KDR: variants seen among roughly 807,000 people sequenced by gnomAD.
The protein encoded by KDR is vascular endothelial growth factor receptor 2.
KDR carries 43 observed loss-of-function variants against 160.9 expected under a neutral mutation model. The ratio of observed to expected loss-of-function variants is 0.27; its 90% CI spans 0.21 to 0.34. KDR has a LOEUF of 0.34. Ranked by LOEUF, KDR falls within the 10% of genes least tolerant of loss-of-function variation. The pLI, the probability that KDR is intolerant of heterozygous loss-of-function variation, is 1.00. For missense variants in KDR, 1,469 were observed against 1,666.4 expected (o/e 0.88, Z 2.06); for synonymous variants, 617 against 600.1 (o/e 1.03, Z -0.41).
chr4:55,121,296 C>G, intron 1 of KDR, 106 bp from the exon 2 acceptor site: 1 of 772,896 alleles, frequency 1.3e-6, no homozygotes, highest in South Asian at 1.5e-5. Flanking sequence ...GCCTCTTCAG[C>G]AATTCATTGT....
intron 6 of KDR, among the ~76,000 whole-genome samples, 157 bp downstream of exon 6, chr4:55,113,967 TTG>T (rs758524538): frequency 6.6e-5 from 10 of 152,002 alleles, no homozygotes; most frequent in African/African-American, 9.6e-5. Flanking sequence ...TTCCCTTAAA[TTG>T]TGTGTGTGTG....
chr4:55,113,981 A>ATG, intron 6 of KDR, 145 bp downstream of exon 6: 2 of 792,540 alleles, frequency 2.5e-6, no homozygotes, highest in Non-Finnish European at 4.4e-6. Context: ...GTGTGTGTGT[A>ATG]TGTGTGTGTG....
chr4:55,093,170 T>C (rs1720062167), intron 21 of KDR, among the ~76,000 whole-genome samples: 1 of 152,208 alleles, frequency 6.6e-6, no homozygotes, highest in African/African-American at 2.4e-5. Context: ...CAAACTATAA[T>C]CTGCAATAGA....
At chr4:55,088,416 A>G (rs1560513595) in intron 26 of KDR, among the ~76,000 whole-genome samples, 1 of 152,238 alleles carries the variant, frequency 6.6e-6, no homozygotes, top group Non-Finnish European at 1.5e-5. Context: ...ACATTCTAAT[A>G]GTAAACACTA....
Position 55,118,911 on chromosome 4 carries a change from C to T in KDR, c.162-111G>A, listed in dbSNP as rs572812326. 3.4e-6 allele frequency: 3 copies of T among 872,198 alleles called. No individual in the cohort carries two copies. In the South Asian group the frequency reaches 4.3e-5, roughly 13 times the overall value. 54.0% of individuals were successfully genotyped at this position (872,198 alleles called of 1,614,324 possible). On this transcript the variant is annotated intron_variant, in intron 2 of 29. Coordinates refer to ENST00000263923, the MANE Select transcript of KDR (RefSeq NM_002253.4). ...ACTTAAATAAACTCTTCAACAGACA[C>T]AGTCAGTCTTCTACCGGCCAGGCAT... is the stretch of plus-strand genomic sequence containing the variant.
intron 1 of KDR, among the ~76,000 whole-genome samples, chr4:55,123,841 C>T (rs1367428306): frequency 6.6e-6 from 1 of 152,192 alleles, no homozygotes; most frequent in African/African-American, 2.4e-5. Flanking sequence ...TTTGATGGCA[C>T]CAATTACAGC....
chr4:55,086,702 A>C (rs1482019371), intron 27 of KDR, among the ~76,000 whole-genome samples: 2 of 152,052 alleles, frequency 1.3e-5, no homozygotes, highest in Non-Finnish European at 2.9e-5. Context: ...GCTGCCCCAC[A>C]CGACTCTAGA....
rs1394404784 is a variant in KDR at position 55,114,196 on chromosome 4, A to G, written c.728T>C (p.Val243Ala). 4 of 1,613,996 alleles carry G rather than the reference A, an allele frequency of 2.5e-6. No homozygotes were observed. Among genetic ancestry groups the G allele is most frequent in the Middle Eastern group, 1.6e-4 (1 of 6,062 alleles). ...GIELSVGEKL[V>A]LNCTARTELN... ...TTCAGTTCTTGCTGTACAATTTAAGACAAGCTTTTCTCCAACAGATAGTTC... is the reference window on the plus strand; with the variant it reads ...TTCAGTTCTTGCTGTACAATTTAAGGCAAGCTTTTCTCCAACAGATAGTTC... Residue 243 changes from valine to alanine, a missense_variant, in exon 6 of 30, where the codon GTC becomes GCC. Physicochemically the swap from Val to Ala is moderately conservative, Grantham distance 64 (BLOSUM62 0). Transcript: ENST00000263923.
At chr4:55,113,891 G>A (rs931268174) in intron 6 of KDR, among the ~76,000 whole-genome samples, 3 of 152,198 alleles carry the variant, frequency 2.0e-5, no homozygotes, top group Admixed American at 6.5e-5. Context: ...TTCATAGCCT[G>A]GCTATTGCAG....
intron 9 of KDR, among the ~76,000 whole-genome samples, chr4:55,108,577 T>TA (rs1269283693): frequency 6.6e-6 from 1 of 152,152 alleles, no homozygotes; most frequent in African/African-American, 2.4e-5. Context: ...GGAACAAACC[T>TA]AGACACTCTG....
At chr4:55,110,091 T>C (rs1164583555) in intron 9 of KDR, among the ~76,000 whole-genome samples, 1 of 152,190 alleles carries the variant, frequency 6.6e-6, no homozygotes, top group Non-Finnish European at 1.5e-5. Flanking sequence ...GGGAACATGG[T>C]AGTATAACTT....
intron 3 of KDR, among the ~76,000 whole-genome samples, chr4:55,117,701 T>C (rs1720768912): frequency 6.6e-6 from 1 of 152,230 alleles, no homozygotes; most frequent in African/African-American, 2.4e-5. Flanking sequence ...CTGTCTCAAA[T>C]ACTCTGGGAT....
intron 16 of KDR, 129 bp from the exon 17 acceptor site, chr4:55,098,401 G>A (rs1720216572): frequency 8.9e-7 from 1 of 1,126,914 alleles, no homozygotes; most frequent in Non-Finnish European, 1.3e-6. Flanking sequence ...GAGTTTGAGA[G>A]TGGTCCTATT....
chr4:55,086,638 ACG>A (rs1439239033), intron 27 of KDR, among the ~76,000 whole-genome samples: 2 of 152,220 alleles, frequency 1.3e-5, no homozygotes, highest in African/African-American at 2.4e-5. Context: ...CTTCAATGGA[ACG>A]GTCAGCTGTC....
At chr4:55,104,380 G>C (rs1250921632) in intron 13 of KDR, among the ~76,000 whole-genome samples, 1 of 152,084 alleles carries the variant, frequency 6.6e-6, no homozygotes, top group African/African-American at 2.4e-5. Context: ...CCAAGATAAG[G>C]CAGAAGTTTC....
In KDR at chr4:55,114,951, T is replaced by C. The variant is rs771346559; in HGVS notation, c.581A>G (p.Tyr194Cys). The change falls in exon 5 of 30, where the codon TAT (tyrosine) becomes TGT (cysteine). Residue 194 changes from tyrosine (Y) to cysteine (C), a missense_variant. Physicochemically the swap from Tyr to Cys is radical, Grantham distance 194. This residue lies in a region of KDR where 792 missense variants were observed against 840.9 expected (regional missense o/e 0.94). Coordinates refer to ENST00000263923, the MANE Select transcript of KDR (RefSeq NM_002253.4). ...TGCTTCACAGAAGACCATGCCAGCATAGCTGATCATGTAGCTGGGAATAGT... is the reference window on the plus strand; with the variant it reads ...TGCTTCACAGAAGACCATGCCAGCACAGCTGATCATGTAGCTGGGAATAGT... Reference protein sequence around the residue: ...GFTIPSYMISYAGMVFCEAKI... With the variant: ...GFTIPSYMISCAGMVFCEAKI... The C allele has an allele frequency of 2.5e-6, 4 of 1,613,820 alleles. No homozygotes were observed. The Middle Eastern group carries it at 5.0e-4, about 200-fold the overall frequency.
intron 25 of KDR, 128 bp downstream of exon 25, chr4:55,089,246 A>G: frequency 2.8e-6 from 2 of 725,478 alleles, no homozygotes; most frequent in South Asian, 3.2e-5. Context: ...AATTATCAAG[A>G]AAGGCCCCAA....
chr4:55,080,557 AC>A (rs2110004180), intron 29 of KDR, among the ~76,000 whole-genome samples: 1 of 152,360 alleles, frequency 6.6e-6, no homozygotes, highest in African/African-American at 2.4e-5. Context: ...CTTAAATTTC[AC>A]TTGTGCTTTT....
intron 22 of KDR, 99 bp downstream of exon 22, chr4:55,092,518 A>T: frequency 1.2e-6 from 1 of 858,308 alleles, no homozygotes; most frequent in Non-Finnish European, 2.0e-6. Context: ...GTGGTGAATG[A>T]ATTACAATCC....
Sources: gnomAD v4.1 joint callset for allele counts (sites outside exome capture counted in the v4.1 genomes callset) on GRCh38, gnomAD v4.1.1 for gene constraint, gnomAD v4.1.1 regional missense constraint, MANE v1.5 for transcripts, NCBI Gene and HGNC (gene_info 2026-07-23, HGNC 2026-07-21) for gene names.